CLTC: variants seen among roughly 807,000 people sequenced by gnomAD.
The protein encoded by CLTC is clathrin heavy chain 1.
In CLTC, 16 loss-of-function variants were observed where a neutral mutation model predicts 195.8. The ratio of observed to expected loss-of-function variants is 0.08; its 90% confidence interval spans 0.06 to 0.12. The LOEUF (loss-of-function observed/expected upper bound fraction) is 0.12, where lower values mean the gene tolerates loss of function less well. CLTC is among the 10% of genes least tolerant of loss of function. The pLI, the probability that CLTC is intolerant of heterozygous loss-of-function variation, is 1.00. For missense variants in CLTC, 796 were observed against 2,027.0 expected, an observed-to-expected ratio of 0.39 and a Z score of 11.66; for synonymous variants, 667 against 689.4, an observed-to-expected ratio of 0.97 and a Z score of 0.51.
At chr17:59,623,182 C>T (rs1272159282) in intron 1 of CLTC, among the ~76,000 whole-genome samples, 3 of 152,178 alleles carry the variant, frequency 2.0e-5, no homozygotes, top group Middle Eastern at 3.4e-3. Context: ...CTGTTCTTTC[C>T]CCTTTGATCC....
intron 28 of CLTC, 57 bp from the exon 29 acceptor site, chr17:59,684,999 G>A: frequency 7.2e-7 from 1 of 1,384,382 alleles, no homozygotes; most frequent in Admixed American, 2.2e-5. Flanking sequence ...ATTGAGAACG[G>A]AATATAATGT....
chr17:59,672,036 C>T (rs778212862), intron 14 of CLTC, among the ~76,000 whole-genome samples: 1 of 152,124 alleles, frequency 6.6e-6, no homozygotes, highest in African/African-American at 2.4e-5. Context: ...GAGTCTGATA[C>T]TTGGGTACTC....
intron 9 of CLTC, chr17:59,664,550 C>CAAAA (rs57413220): frequency 5.8e-5 from 13 of 224,424 alleles, no homozygotes; most frequent in Non-Finnish European, 9.2e-5. Context: ...GACCCTGTCT[C>CAAAA]AAAAAAAAAA....
chr17:59,665,404 T>TA (rs1337924876), intron 10 of CLTC, among the ~76,000 whole-genome samples: 1 of 152,130 alleles, frequency 6.6e-6, no homozygotes, highest in Non-Finnish European at 1.5e-5. Context: ...GTATGTGTAT[T>TA]AAAAATATGA....
At chr17:59,677,564 C>G (rs989347126) in intron 17 of CLTC, among the ~76,000 whole-genome samples, 1 of 152,156 alleles carries the variant, frequency 6.6e-6, no homozygotes, top group African/African-American at 2.4e-5. Context: ...TAAGGATGTT[C>G]TCTTTCATTA....
chr17:59,661,010 T>C (rs1013834935), intron 7 of CLTC, among the ~76,000 whole-genome samples: 1 of 152,214 alleles, frequency 6.6e-6, no homozygotes, highest in African/African-American at 2.4e-5. Flanking sequence ...TGTTAGTTTA[T>C]GGTGGACTGA....
At position 59,639,380 on chromosome 17, in the gene CLTC, T is replaced by A. The variant is rs1282692023; in HGVS notation, c.43-4896T>A. Among the ~76,000 whole-genome samples, 2 of 152,286 alleles carry A rather than the reference T, an allele frequency of 1.3e-5. 1 individual carries two copies. The highest frequency in any genetic ancestry group is 3.9e-4 in the East Asian group (2 of 5,188). On this transcript the variant is annotated intron_variant, in intron 1 of 31. Transcript: ENST00000269122. ...ACTATTCAAAAAAACAAGCCCCTTT[T>A]TTTGGACCCAGTTTATTGACTCCAT...
intron 8 of CLTC, among the ~76,000 whole-genome samples, chr17:59,662,771 C>T (rs1238580190): frequency 1.3e-5 from 2 of 152,120 alleles, no homozygotes; most frequent in African/African-American, 4.8e-5. Flanking sequence ...GAGGTCCATC[C>T]TAATTGATTA....
intron 5 of CLTC, among the ~76,000 whole-genome samples, chr17:59,655,579 G>A (rs1449643801): frequency 2.6e-5 from 4 of 152,182 alleles, no homozygotes; most frequent in Non-Finnish European, 5.9e-5. Flanking sequence ...ACTGCAAAGT[G>A]CAGTAAAATG....
At chr17:59,627,643 A>G (rs914149883) in intron 1 of CLTC, among the ~76,000 whole-genome samples, 4 of 152,220 alleles carry the variant, frequency 2.6e-5, no homozygotes, top group African/African-American at 9.7e-5. Context: ...ACAGCAAACT[A>G]ACATCTGACT....
chr17:59,631,000 C>T (rs1337527799), intron 1 of CLTC, among the ~76,000 whole-genome samples: 1 of 152,236 alleles, frequency 6.6e-6, no homozygotes, highest in Non-Finnish European at 1.5e-5. Flanking sequence ...ACAGTGGTGG[C>T]ACCATTTGAC....
chr17:59,670,455 T>G (rs1394987317), intron 14 of CLTC, among the ~76,000 whole-genome samples: 1 of 152,070 alleles, frequency 6.6e-6, no homozygotes, highest in East Asian at 1.9e-4. Flanking sequence ...TCCTCCACCC[T>G]TCAGTAGGCC....
In CLTC at chr17:59,673,670, A is replaced by G. The variant is rs2032904151; in HGVS notation, c.2316A>G (p.Leu772=). 1.2e-6 allele frequency: 2 copies of G among 1,611,938 alleles called. No homozygotes were observed. The highest frequency in any genetic ancestry group is 1.7e-6 in the Non-Finnish European group (2 of 1,178,498). Residue 772 remains leucine, a synonymous_variant, in exon 15 of 32, where the codon CTA becomes CTG. Coordinates refer to ENST00000269122, the MANE Select transcript of CLTC (RefSeq NM_004859.4). ...AGGAAGCAAAACTAACAGATCAGCT[A>G]CCACTTATCATTGTGTGTGATCGAT... ...FLKEAKLTDQ[L]PLIIVCDRFD...
chr17:59,620,271 G>C, intron 1 of CLTC, 98 bp downstream of exon 1: 1 of 1,309,188 alleles, frequency 7.6e-7, no homozygotes, highest in Non-Finnish European at 1.1e-6. Context: ...AGCTGGAGGG[G>C]CGGGGGGGTT....
intron 1 of CLTC, among the ~76,000 whole-genome samples, chr17:59,628,183 C>T (rs983371446): frequency 3.3e-5 from 5 of 152,076 alleles, no homozygotes; most frequent in African/African-American, 1.2e-4. Context: ...GAACCAGATC[C>T]ATTAAAGCCA....
rs1367286100 is a variant in CLTC at position 59,695,591 on chromosome 17, T to G, written c.*1739T>G. ...GAGGCATGAGAATCACTTGAACCTG[T>G]GAGGCAAAGGTTGTAGTGAGCCAAG... On this transcript the variant is annotated 3_prime_UTR_variant, in exon 32 of 32. Coordinates refer to ENST00000269122, the MANE Select transcript of CLTC (RefSeq NM_004859.4). The G allele has an allele frequency of 5.6e-6, 1 of 179,346 alleles. No individual in the cohort carries two copies. The highest frequency in any genetic ancestry group is 2.4e-5 in the African/African-American group (1 of 42,320). 11.1% of individuals were successfully genotyped at this position (179,346 alleles called of 1,614,324 possible). A position where few individuals can be genotyped will look rare whatever the true frequency, so the allele number is the denominator to read the frequency against.
chr17:59,678,874 G>A (rs866970101), intron 17 of CLTC, among the ~76,000 whole-genome samples: 69 of 151,632 alleles, frequency 4.6e-4, no homozygotes, highest in African/African-American at 1.5e-3. Flanking sequence ...GAGGTGCCAT[G>A]CACTTGGTTT....
chr17:59,664,843 A>C lies in CLTC; in HGVS notation c.1578A>C (p.Pro526=), dbSNP rs1023670460. 1 of 1,614,136 alleles carries C rather than the reference A, an allele frequency of 6.2e-7. No homozygotes were observed. Among genetic ancestry groups the C allele is most frequent in the Non-Finnish European group, 8.5e-7 (1 of 1,179,990 alleles). Residue 526 remains proline (P), a synonymous_variant, in exon 10 of 32, where the codon CCA becomes CCC. Coordinates refer to ENST00000269122, the MANE Select transcript of CLTC (RefSeq NM_004859.4). The stretch of plus-strand genomic sequence containing the variant: ...TGAGAAATGTAATGCGAATCAGTCC[A>C]GATCAGGGACAGCAGTTTGCCCAAA... ...FLLRNVMRIS[P]DQGQQFAQML...
In CLTC at chr17:59,684,984, C is replaced by G; in HGVS notation, c.4435-72C>G. ...ATTACATGTTACCATCTAAGGGGCT[C>G]ATTGATTGAGAACGGAATATAATGT... On this transcript the variant is annotated intron_variant, in intron 28 of 31. Coordinates refer to ENST00000269122, the MANE Select transcript of CLTC (RefSeq NM_004859.4). 2.5e-6 allele frequency: 3 copies of G among 1,222,278 alleles called. 1 individual carries two copies. Among genetic ancestry groups the G allele is most frequent in the Non-Finnish European group, 3.3e-6 (3 of 904,012 alleles). 75.7% of individuals were successfully genotyped at this position (1,222,278 alleles called of 1,614,324 possible).
Sources: allele counts gnomAD v4.1 joint callset (sites outside exome capture counted in the v4.1 genomes callset), GRCh38; gene constraint gnomAD v4.1.1; transcripts MANE v1.5; gene names NCBI Gene and HGNC (gene_info 2026-07-23, HGNC 2026-07-21).